EYS: variants seen among roughly 807,000 people sequenced by gnomAD.
The protein encoded by EYS is EGF-like photoreceptor maintenance factor.
EYS carries 250 observed loss-of-function variants against 282.1 expected under a neutral mutation model. That is an observed-to-expected ratio of 0.89 (90% confidence interval 0.80 to 0.98). The LOEUF (loss-of-function observed/expected upper bound fraction) is 0.98, where lower values mean the gene tolerates loss of function less well. Among genes scored for constraint, EYS ranks in the 50% least tolerant of loss-of-function variants. The pLI is 0.00. For synonymous variants in EYS, 1,355 were observed against 1,282.9 expected (o/e 1.06, Z -1.20); for missense variants, 4,016 against 3,709.0 (o/e 1.08, Z -2.15).
intron 12 of EYS, among the ~76,000 whole-genome samples, chr6:65,191,331 C>A (rs1237457160): frequency 6.6e-6 from 1 of 151,744 alleles, no homozygotes; most frequent in Non-Finnish European, 1.5e-5. Context: ...TGTTAAATAT[C>A]ATTTGACCTA....
intron 28 of EYS, among the ~76,000 whole-genome samples, chr6:64,395,331 A>C (rs1189919090): frequency 6.6e-6 from 1 of 152,156 alleles, no homozygotes; most frequent in African/African-American, 2.4e-5. Flanking sequence ...ACGCATGCAC[A>C]CGTATGTTTA....
chr6:64,050,269 C>T (rs1770764298), intron 33 of EYS, among the ~76,000 whole-genome samples: 1 of 152,106 alleles, frequency 6.6e-6, no homozygotes, highest in Admixed American at 6.6e-5. Flanking sequence ...TTGAATCCCT[C>T]CCACCCCCTG....
At position 65,702,088 on chromosome 6, in the gene EYS, G is replaced by C. The variant is rs530706346; in HGVS notation, c.-448+5047C>G. 5.3e-5 allele frequency among the ~76,000 whole-genome samples: 8 copies of C among 152,240 alleles called. 1 individual carries two copies. The highest frequency in any genetic ancestry group is 1.9e-4 in the African/African-American group (8 of 41,532). ...CCACCACAGGGTAGGGAGATGATTA[G>C]GATCAGTTTTCTGCCCTACCATATC... On this transcript the variant is annotated intron_variant, in intron 1 of 42. Transcript: ENST00000503581.
At chr6:64,149,284 AC>A (rs1431518590) in intron 31 of EYS, among the ~76,000 whole-genome samples, 3 of 152,148 alleles carry the variant, frequency 2.0e-5, no homozygotes, top group African/African-American at 7.2e-5. Flanking sequence ...TATAGCAGAA[AC>A]TCTGCAGGCA....
At chr6:64,869,645 G>GA (rs1766529962) in intron 19 of EYS, among the ~76,000 whole-genome samples, 1 of 151,584 alleles carries the variant, frequency 6.6e-6, no homozygotes, top group African/African-American at 2.4e-5. Context: ...ATCTCCAAAG[G>GA]AAAATAGTGT....
At chr6:64,359,004 A>G (rs1582648657) in intron 29 of EYS, among the ~76,000 whole-genome samples, 2 of 151,658 alleles carry the variant, frequency 1.3e-5, no homozygotes, top group African/African-American at 2.4e-5. Flanking sequence ...AGAATTTAAA[A>G]GTTTCGGGCA....
intron 31 of EYS, among the ~76,000 whole-genome samples, chr6:64,098,029 T>C (rs746197488): frequency 3.9e-5 from 6 of 152,314 alleles, no homozygotes; most frequent in East Asian, 3.9e-4. Flanking sequence ...ATTGCAAGAG[T>C]TGGTGAAGAT....
intron 35 of EYS, among the ~76,000 whole-genome samples, chr6:63,871,781 T>C (rs1562070378): frequency 6.6e-6 from 1 of 152,106 alleles, no homozygotes; most frequent in Non-Finnish European, 1.5e-5. Flanking sequence ...ACTGGGGGGA[T>C]GTTAAGCTTT....
At chr6:65,515,177 A>G (rs1318170789) in intron 2 of EYS, among the ~76,000 whole-genome samples, 2 of 152,194 alleles carry the variant, frequency 1.3e-5, no homozygotes, top group African/African-American at 4.8e-5. Context: ...CCAGCCAAAA[A>G]ACACATGAAA....
Position 65,086,376 on chromosome 6 carries a change from G to C in EYS, c.2024-28649C>G, listed in dbSNP as rs150372764. The stretch of plus-strand genomic sequence containing the variant: ...TTACATTTGTATCTTAGCCAAAGCA[G>C]CTTCTTTCTTCTAAGCTATGCTACT... On this transcript the variant is annotated intron_variant, in intron 12 of 42. Transcript: ENST00000503581. Among the ~76,000 whole-genome samples the C allele has an allele frequency of 6.6e-4, 100 of 152,160 alleles. 1 individual carries two copies. Among genetic ancestry groups the C allele is most frequent in the Non-Finnish European group, 1.2e-3 (83 of 68,010 alleles).
At chr6:64,576,103 T>A (rs1765871049) in intron 26 of EYS, among the ~76,000 whole-genome samples, 1 of 152,126 alleles carries the variant, frequency 6.6e-6, no homozygotes, top group Non-Finnish European at 1.5e-5. Context: ...ACTGAAGACC[T>A]TTAAAAATCT....
chr6:64,052,890 A>G (rs974107227), intron 33 of EYS, among the ~76,000 whole-genome samples: 4 of 152,188 alleles, frequency 2.6e-5, no homozygotes, highest in Non-Finnish European at 4.4e-5. Flanking sequence ...TTCCCCAGCC[A>G]TGCCGAACTG....
At position 65,369,496 on chromosome 6, in the gene EYS, T is replaced by C. The variant is rs1013018093; in HGVS notation, c.1299+14890A>G. On this transcript the variant is annotated intron_variant, in intron 8 of 42. Coordinates refer to ENST00000503581, the MANE Select transcript of EYS (RefSeq NM_001142800.2). The stretch of plus-strand genomic sequence containing the variant: ...ATTTCCCAATCTGGAATCTATCTCC[T>C]GTTATTATGGTCTGCTAGTCTGAAA... 3.0e-4 allele frequency among the ~76,000 whole-genome samples: 45 copies of C among 151,218 alleles called. 5 individuals carry two copies. Among genetic ancestry groups the C allele is most frequent in the Admixed American group, 2.9e-3 (42 of 14,702 alleles).
rs971829817 is a variant in EYS, at chr6:63,827,577, G to A, written c.7229-21205C>T. 8.5e-5 allele frequency among the ~76,000 whole-genome samples: 13 copies of A among 152,158 alleles called. No individual in the cohort carries two copies. In the East Asian group the frequency reaches 2.5e-3, roughly 29 times the overall value. On this transcript the variant is annotated intron_variant, in intron 36 of 42. Coordinates refer to ENST00000503581, the MANE Select transcript of EYS (RefSeq NM_001142800.2). ...GAAATTACATCGGCCGGGCGCGGTG[G>A]CTCACGCCTGTAATCCTAGCACTTT...
At chr6:65,383,206 A>C (rs1277396200) in intron 8 of EYS, among the ~76,000 whole-genome samples, 1 of 152,022 alleles carries the variant, frequency 6.6e-6, no homozygotes, top group Non-Finnish European at 1.5e-5. Context: ...ATATTTTATA[A>C]CTTTATTTAT....
Position 64,154,836 on chromosome 6 carries a change from C to T in EYS, c.6425-72834G>A, listed in dbSNP as rs369062362. 5.9e-4 allele frequency among the ~76,000 whole-genome samples: 89 copies of T among 152,006 alleles called. 1 individual carries two copies. Among genetic ancestry groups the T allele is most frequent in the African/African-American group, 2.0e-3 (85 of 41,500 alleles). ...TATGTCATGAGGTGTGTGTTTTTTT[C>T]TTTCCAGTCTCTATTAAAATAATAC... On this transcript the variant is annotated intron_variant, in intron 31 of 42. Coordinates refer to ENST00000503581, the MANE Select transcript of EYS (RefSeq NM_001142800.2).
At chr6:65,171,617 A>G (rs1435252076) in intron 12 of EYS, among the ~76,000 whole-genome samples, 2 of 151,314 alleles carry the variant, frequency 1.3e-5, no homozygotes, top group Admixed American at 1.3e-4. Context: ...GGAACTGGTG[A>G]TGACAACAGT....
intron 12 of EYS, among the ~76,000 whole-genome samples, chr6:65,073,249 G>T (rs1773950193): frequency 6.6e-6 from 1 of 151,646 alleles, no homozygotes; most frequent in Admixed American, 6.6e-5. Context: ...CAGAAAAAAT[G>T]ATATATTTAA....
At chr6:65,594,688 T>G (rs1189037175) in intron 2 of EYS, among the ~76,000 whole-genome samples, 2 of 152,158 alleles carry the variant, frequency 1.3e-5, no homozygotes, top group African/African-American at 4.8e-5. Flanking sequence ...TTTGTCAACT[T>G]TGGCTTTTGT....
Sources: gnomAD v4.1 joint callset for allele counts (sites outside exome capture counted in the v4.1 genomes callset) on GRCh38, gnomAD v4.1.1 for gene constraint, MANE v1.5 for transcripts, NCBI Gene and HGNC (gene_info 2026-07-23, HGNC 2026-07-21) for gene names.